Variants in PCDHA10 observed in about 807,000 individuals in gnomAD.
PCDHA10 encodes protocadherin alpha-10.
Under a neutral mutation model 61.2 loss-of-function variants are expected in PCDHA10, and 45 were observed. The ratio of observed to expected loss-of-function variants is 0.74; its 90% CI spans 0.58 to 0.94. PCDHA10 has a LOEUF of 0.94. Ranked by LOEUF, PCDHA10 falls within the 40% of genes least tolerant of loss-of-function variation. PCDHA10 has a pLI of 0.00. For synonymous variants in PCDHA10, 602 were observed against 548.8 expected (o/e 1.10, Z -1.35); for missense variants, 1,278 against 1,236.2 (o/e 1.03, Z -0.51).
chr5:140,882,660 C>G lies in PCDHA10; in HGVS notation c.2388+24224C>G, dbSNP rs147326638. Reference sequence around the variant, plus strand: ...GTGAGGGACATTAACGACAACCCGCCCATATTCCCTGAAAGCAAGAAACGA... The same window carrying G: ...GTGAGGGACATTAACGACAACCCGCGCATATTCCCTGAAAGCAAGAAACGA... On this transcript the variant is annotated intron_variant, in intron 1 of 3. Coordinates refer to ENST00000307360, the MANE Select transcript of PCDHA10 (RefSeq NM_018901.4). 14 of 1,614,090 alleles carry G rather than the reference C, an allele frequency of 8.7e-6. No individual in the cohort carries two copies. Among genetic ancestry groups the G allele is most frequent in the African/African-American group, 1.3e-5 (1 of 74,928 alleles).
intron 1 of PCDHA10, among the ~76,000 whole-genome samples, chr5:140,937,847 A>G (rs2091797551): frequency 6.8e-6 from 1 of 148,000 alleles, no homozygotes; most frequent in Non-Finnish European, 1.5e-5. Flanking sequence ...GGAAGGCGGA[A>G]CTTGGAGTGA....
chr5:140,863,170 A>G (rs1458621286), intron 1 of PCDHA10: 2 of 688,322 alleles, frequency 2.9e-6, no homozygotes, highest in African/African-American at 1.8e-5. Flanking sequence ...GCTGGCGCTG[A>G]CTGCCACCGT....
intron 1 of PCDHA10, among the ~76,000 whole-genome samples, chr5:140,972,609 A>G (rs1344399252): frequency 1.3e-5 from 2 of 151,526 alleles, no homozygotes; most frequent in Non-Finnish European, 2.9e-5. Flanking sequence ...TCTGAACTTG[A>G]TACTGAATGT....
At chr5:140,936,768 G>C (rs1554211177) in intron 1 of PCDHA10, among the ~76,000 whole-genome samples, 2 of 152,042 alleles carry the variant, frequency 1.3e-5, no homozygotes, top group African/African-American at 4.8e-5. Flanking sequence ...AATTGTGTAA[G>C]TTCTCTCACT....
intron 1 of PCDHA10, among the ~76,000 whole-genome samples, chr5:140,957,373 T>C (rs906109440): frequency 6.6e-5 from 10 of 152,310 alleles, no homozygotes; most frequent in African/African-American, 2.2e-4. Context: ...ACTTTTATTA[T>C]AGTGTATTGT....
intron 1 of PCDHA10, among the ~76,000 whole-genome samples, chr5:140,913,844 A>G (rs1554196074): frequency 1.3e-5 from 2 of 152,194 alleles, no homozygotes; most frequent in African/African-American, 2.4e-5. Flanking sequence ...CCCACTGGTC[A>G]TTCAGGAGCA....
At chr5:141,002,220 G>A (rs2098065627) in intron 3 of PCDHA10, among the ~76,000 whole-genome samples, 1 of 152,196 alleles carries the variant, frequency 6.6e-6, no homozygotes. Context: ...TCAAAATGAT[G>A]GGTTTTCTGG....
intron 1 of PCDHA10, chr5:140,875,686 G>A: frequency 6.2e-7 from 1 of 1,613,582 alleles, no homozygotes; most frequent in Non-Finnish European, 8.5e-7. Flanking sequence ...CAAAAGACAC[G>A]GGGACCTTCT....
At chr5:140,869,083 T>C in intron 1 of PCDHA10, 1 of 1,582,990 alleles carries the variant, frequency 6.3e-7, no homozygotes, top group Non-Finnish European at 8.6e-7. Flanking sequence ...AAGCTTATTT[T>C]GGAAGCCAAT....
intron 1 of PCDHA10, chr5:140,863,107 G>A (rs1554157777): frequency 1.7e-6 from 1 of 582,652 alleles, no homozygotes; most frequent in Admixed American, 1.9e-5. Flanking sequence ...TACCCTGGAC[G>A]AGGCGAAAGC....
chr5:140,950,694 T>C (rs1361506103), intron 1 of PCDHA10, among the ~76,000 whole-genome samples: 4 of 152,104 alleles, frequency 2.6e-5, no homozygotes, highest in African/African-American at 9.7e-5. Flanking sequence ...TAACCAAATT[T>C]GACAAATTTT....
chr5:141,007,775 A>G (rs1156577699), intron 3 of PCDHA10, among the ~76,000 whole-genome samples: 2 of 152,216 alleles, frequency 1.3e-5, no homozygotes, highest in Non-Finnish European at 2.9e-5. Context: ...TGGAAATGGT[A>G]CTGCTTTACA....
chr5:140,883,507 G>T (rs782325165), intron 1 of PCDHA10: 1 of 1,614,200 alleles, frequency 6.2e-7, no homozygotes, highest in South Asian at 1.1e-5. Flanking sequence ...ACAGCGCCCT[G>T]GACCGCGAGA....
chr5:140,999,044 T>TTTC (rs1247197667), intron 3 of PCDHA10, among the ~76,000 whole-genome samples: 1 of 152,342 alleles, frequency 6.6e-6, no homozygotes, highest in East Asian at 1.9e-4. Flanking sequence ...TCCAGTGTGC[T>TTTC]TTCCACCATG....
chr5:140,941,199 C>CTCCCT (rs2092799099), intron 1 of PCDHA10, among the ~76,000 whole-genome samples: 1 of 115,882 alleles, frequency 8.6e-6, no homozygotes, highest in South Asian at 2.6e-4. Flanking sequence ...TTTTTTCTTT[C>CTCCCT]TTCCTTTCTT....
chr5:140,895,447 G>T (rs1188860605), intron 1 of PCDHA10, among the ~76,000 whole-genome samples: 1 of 152,060 alleles, frequency 6.6e-6, no homozygotes, highest in South Asian at 2.1e-4. Flanking sequence ...CTTTTCATGT[G>T]CTTATTGGTC....
intron 3 of PCDHA10, among the ~76,000 whole-genome samples, chr5:140,990,438 T>C (rs2097393735): frequency 2.0e-5 from 3 of 152,222 alleles, no homozygotes; most frequent in Admixed American, 2.0e-4. Context: ...CCCAATCTTG[T>C]GTCCAGAGCT....
At chr5:140,937,326 C>G (rs1287239556) in intron 1 of PCDHA10, among the ~76,000 whole-genome samples, 2 of 152,046 alleles carry the variant, frequency 1.3e-5, no homozygotes, top group Non-Finnish European at 2.9e-5. Flanking sequence ...CGTGAGCCAC[C>G]GCGCCCGGCT....
intron 1 of PCDHA10, chr5:140,863,410 G>C: frequency 5.3e-6 from 4 of 753,286 alleles, no homozygotes; most frequent in African/African-American, 1.8e-5. Context: ...GCCCACGCTG[G>C]TGTACCGCAG....
Sources: gnomAD v4.1 joint callset for allele counts (sites outside exome capture counted in the v4.1 genomes callset) on GRCh38, gnomAD v4.1.1 for gene constraint, MANE v1.5 for transcripts, NCBI Gene and HGNC (gene_info 2026-07-23, HGNC 2026-07-21) for gene names.